NBAS: variants seen among roughly 807,000 people sequenced by gnomAD.
NBAS encodes NAG/BC035112 fusion.
A neutral mutation model predicts 302.5 loss-of-function variants in NBAS; 219 were observed. The observed-to-expected ratio is 0.72, with a 90% CI of 0.65 to 0.81. NBAS has a LOEUF of 0.81. Among genes scored for constraint, NBAS ranks in the 30% least tolerant of loss-of-function variants. The pLI, the probability that NBAS is intolerant of heterozygous loss-of-function variation, is 0.00. For missense variants in NBAS, 2,932 were observed against 2,841.6 expected (o/e 1.03, Z -0.72); for synonymous variants, 1,118 against 1,021.6 (o/e 1.09, Z -1.80).
At chr2:15,358,517 T>A (rs1339465781) in intron 32 of NBAS, among the ~76,000 whole-genome samples, 1 of 152,172 alleles carries the variant, frequency 6.6e-6, no homozygotes, top group Admixed American at 6.5e-5. Flanking sequence ...CTATCACTGC[T>A]CACTGCAACC....
intron 48 of NBAS, among the ~76,000 whole-genome samples, chr2:15,215,951 T>A (rs1261572951): frequency 6.6e-6 from 1 of 152,244 alleles, no homozygotes; most frequent in Non-Finnish European, 1.5e-5. Flanking sequence ...ACTATGGGCA[T>A]AGTTTTGTAA....
chr2:15,006,192 G>GA, the NBAS span, among the ~76,000 whole-genome samples: 22 of 151,918 alleles, frequency 1.4e-4, no homozygotes, highest in Non-Finnish European at 3.2e-4. Flanking sequence ...TATTATAATA[G>GA]AAAAAAAATC....
the NBAS span, among the ~76,000 whole-genome samples, chr2:14,903,334 A>AAAAAAAG: frequency 0.12 from 18,365 of 149,838 alleles, 1,251 homozygotes; most frequent in Middle Eastern, 0.17. Context: ...TTGCAAAAAA[A>AAAAAAAG]AAAAAAAGAA....
chr2:14,959,693 AC>A, the NBAS span, among the ~76,000 whole-genome samples: 1 of 152,164 alleles, frequency 6.6e-6, no homozygotes, highest in African/African-American at 2.4e-5. Flanking sequence ...TGATTCCAGG[AC>A]TTTGTACATG....
chr2:15,116,409 C>CAGAG, the NBAS span, among the ~76,000 whole-genome samples: 14,924 of 150,002 alleles, frequency 0.099, 954 homozygotes, highest in East Asian at 0.24. Context: ...CCCCACATGG[C>CAGAG]AGAGAGAGAG....
the NBAS span, among the ~76,000 whole-genome samples, chr2:14,795,011 AT>A: frequency 6.6e-6 from 1 of 152,170 alleles, no homozygotes; most frequent in East Asian, 1.9e-4. Flanking sequence ...GTTAATGAAC[AT>A]TTATGTTGTT....
At chr2:15,339,667 A>G (rs1672756895) in intron 35 of NBAS, among the ~76,000 whole-genome samples, 1 of 151,960 alleles carries the variant, frequency 6.6e-6, no homozygotes, top group Non-Finnish European at 1.5e-5. Flanking sequence ...AGAAAAGCAT[A>G]TCAGATAAGT....
At chr2:15,183,840 G>C (rs1327609254) in intron 50 of NBAS, among the ~76,000 whole-genome samples, 1 of 152,106 alleles carries the variant, frequency 6.6e-6, no homozygotes, top group Admixed American at 6.6e-5. Context: ...TGTGCTTTAG[G>C]TGCTGTGCTA....
the NBAS span, among the ~76,000 whole-genome samples, chr2:14,801,350 T>C: frequency 2.8e-4 from 43 of 152,256 alleles, no homozygotes; most frequent in Non-Finnish European, 3.8e-4. Context: ...GCTCTGTTCA[T>C]TTTAAAAAAT....
chr2:15,428,754 TA>T (rs778196611), intron 21 of NBAS, among the ~76,000 whole-genome samples: 1 of 151,818 alleles, frequency 6.6e-6, no homozygotes, highest in Non-Finnish European at 1.5e-5. Flanking sequence ...AACATAAGAA[TA>T]AATTAAGGCC....
At position 15,192,584 on chromosome 2, in the gene NBAS, G is replaced by A. The variant is rs558760414; in HGVS notation, c.6433-2181C>T. On this transcript the variant is annotated intron_variant, in intron 48 of 51. Transcript: ENST00000281513. ...ACTACACAAATGATACTTTGTGACTGTTAAGTGATTTCACTAAGGTCACTC... is the reference window on the plus strand; with the variant it reads ...ACTACACAAATGATACTTTGTGACTATTAAGTGATTTCACTAAGGTCACTC... 3.1e-4 allele frequency among the ~76,000 whole-genome samples: 47 copies of A among 152,258 alleles called. 1 individual carries two copies. The East Asian group carries it at 4.0e-3, about 13-fold the overall frequency.
At chr2:15,103,894 C>T in the NBAS span, among the ~76,000 whole-genome samples, 2 of 152,146 alleles carry the variant, frequency 1.3e-5, no homozygotes, top group African/African-American at 4.8e-5. Context: ...ATTGAATTGA[C>T]ATTCCACTGA....
the NBAS span, among the ~76,000 whole-genome samples, chr2:14,786,021 G>A: frequency 6.6e-6 from 1 of 152,312 alleles, no homozygotes; most frequent in South Asian, 2.1e-4. Flanking sequence ...TCTATTCAGA[G>A]ATTCAACTTC....
At chr2:15,534,862 G>T (rs900353488) in intron 8 of NBAS, among the ~76,000 whole-genome samples, 2 of 152,092 alleles carry the variant, frequency 1.3e-5, no homozygotes, top group African/African-American at 4.8e-5. Flanking sequence ...TCTCCCCTAT[G>T]ACCCAGCAAT....
intron 8 of NBAS, among the ~76,000 whole-genome samples, chr2:15,535,775 C>T (rs909036076): frequency 2.0e-5 from 3 of 152,132 alleles, no homozygotes; most frequent in African/African-American, 7.2e-5. Context: ...TTTCAATCCA[C>T]AGTATCAAAT....
At chr2:15,499,120 G>T (rs946926895) in intron 11 of NBAS, among the ~76,000 whole-genome samples, 9 of 151,910 alleles carry the variant, frequency 5.9e-5, no homozygotes, top group African/African-American at 2.2e-4. Context: ...GTAAAAATGG[G>T]GTTTCACCAT....
intron 21 of NBAS, among the ~76,000 whole-genome samples, chr2:15,435,143 T>C (rs182528018): frequency 2.4e-3 from 366 of 152,368 alleles, no homozygotes; most frequent in African/African-American, 8.1e-3. Flanking sequence ...CAGTGTTCAT[T>C]ATAAAAAATA....
the NBAS span, among the ~76,000 whole-genome samples, chr2:15,026,714 T>C: frequency 3.9e-5 from 6 of 152,162 alleles, no homozygotes. Context: ...TTTGCAGTTT[T>C]AGTTAAGAAG....
At chr2:15,406,952 G>A (rs765292297) in intron 25 of NBAS, among the ~76,000 whole-genome samples, 12 of 152,148 alleles carry the variant, frequency 7.9e-5, no homozygotes, top group Non-Finnish European at 1.2e-4. Flanking sequence ...ATGTAAATTA[G>A]AACAGTCCTA....
Sources: gnomAD v4.1 joint callset for allele counts (sites outside exome capture counted in the v4.1 genomes callset) on GRCh38, gnomAD v4.1.1 for gene constraint, MANE v1.5 for transcripts, NCBI Gene and HGNC (gene_info 2026-07-23, HGNC 2026-07-21) for gene names.